Variants in CLUL1 observed in about 807,000 individuals in gnomAD.
The protein encoded by CLUL1 is clusterin-like protein 1.
A neutral mutation model predicts 49.4 loss-of-function variants in CLUL1; 43 were observed. That is an observed-to-expected ratio of 0.87 (90% CI 0.68 to 1.12). The LOEUF is 1.12. Among genes scored for constraint, CLUL1 ranks in the 50% most tolerant of loss-of-function variants. CLUL1 has a pLI of 0.00. For missense variants in CLUL1, 486 were observed against 544.4 expected, an observed-to-expected ratio of 0.89 and a Z score of 1.07; for synonymous variants, 192 against 184.9, an observed-to-expected ratio of 1.04 and a Z score of -0.31.
intron 5 of CLUL1, 44 bp downstream of exon 5, chr18:625,076 C>G: frequency 6.4e-7 from 1 of 1,566,202 alleles, no homozygotes. Context: ...TCTTGAGGCA[C>G]CTATTTCAGC....
At chr18:634,673 G>A (rs189645964) in intron 7 of CLUL1, among the ~76,000 whole-genome samples, 71 of 152,012 alleles carry the variant, frequency 4.7e-4, no homozygotes, top group Non-Finnish European at 1.6e-4. Flanking sequence ...ATATTTTTTT[G>A]AAAGTGGCAT....
intron 4 of CLUL1, among the ~76,000 whole-genome samples, chr18:623,016 C>T (rs1240331280): frequency 6.9e-6 from 1 of 145,492 alleles, no homozygotes; most frequent in Non-Finnish European, 1.5e-5. Flanking sequence ...GGTATTGTTA[C>T]TTGCCTTGGA....
chr18:626,860 CAAAT>C (rs1207868472), intron 5 of CLUL1, among the ~76,000 whole-genome samples: 7 of 100,816 alleles, frequency 6.9e-5, no homozygotes, highest in African/African-American at 2.5e-4. Context: ...GACTCCATCT[CAAAT>C]AAGAAAGAAA....
chr18:631,304 T>G (rs1043528756), intron 6 of CLUL1, among the ~76,000 whole-genome samples: 1 of 152,216 alleles, frequency 6.6e-6, no homozygotes, highest in Non-Finnish European at 1.5e-5. Context: ...CTTGGAATTA[T>G]CTTCATTTGC....
chr18:630,071 G>A (rs753363364), intron 6 of CLUL1, among the ~76,000 whole-genome samples: 2 of 152,172 alleles, frequency 1.3e-5, no homozygotes, highest in African/African-American at 2.4e-5. Context: ...AAGTAAGGAT[G>A]CAGATGGAAA....
At position 619,367 on chromosome 18, in the gene CLUL1, G is replaced by A; in HGVS notation, c.255+6G>A. On this transcript the variant is annotated splice_donor_region_variant and intron_variant, in intron 4 of 9. Transcript: ENST00000692774. ...AATGCAGAGAAGAAAAGCAGGTACA[G>A]TCATTGAAAATAATGTCTGTTCTTA... The A allele has an allele frequency of 6.2e-7, 1 of 1,608,944 alleles. No homozygotes were observed. Among genetic ancestry groups the A allele is most frequent in the Non-Finnish European group, 8.5e-7 (1 of 1,178,206 alleles).
Position 641,322 on chromosome 18 carries a change from G to T in CLUL1, c.995-5G>T, listed in dbSNP as rs758596736. 1 of 1,613,992 alleles carries T rather than the reference G, an allele frequency of 6.2e-7. No homozygotes were observed. The highest frequency in any genetic ancestry group is 8.5e-7 in the Non-Finnish European group (1 of 1,179,890). On this transcript the variant is annotated splice_region_variant and splice_polypyrimidine_tract_variant and intron_variant, in intron 7 of 9. Coordinates refer to ENST00000692774, the MANE Select transcript of CLUL1 (RefSeq NM_001393344.1). ...CCTTCTCCACATTACTTTCTTCTCT[G>T]CTAGACTGTCCTGATGTACCTGCTC...
chr18:637,142 A>G (rs887202561), intron 7 of CLUL1, among the ~76,000 whole-genome samples: 1 of 151,876 alleles, frequency 6.6e-6, no homozygotes, highest in Non-Finnish European at 1.5e-5. Context: ...GCCCGCCACC[A>G]TGCCCGGCTA....
At chr18:628,868 A>G (rs561584323) in intron 6 of CLUL1, among the ~76,000 whole-genome samples, 2 of 151,876 alleles carry the variant, frequency 1.3e-5, no homozygotes, top group Admixed American at 6.6e-5. Context: ...CCTGACCTCA[A>G]GTGATCTGCT....
intron 2 of CLUL1, among the ~76,000 whole-genome samples, 186 bp downstream of exon 2, chr18:607,285 C>T (rs560374352): frequency 5.3e-5 from 8 of 152,088 alleles, no homozygotes; most frequent in Admixed American, 2.0e-4. Flanking sequence ...GCACCACCTA[C>T]GTCCGGCTAA....
In CLUL1 at chr18:625,013, G is replaced by C. The variant is rs2073638074; in HGVS notation, c.404G>C (p.Trp135Ser). 1 of 1,613,960 alleles carries C rather than the reference G, an allele frequency of 6.2e-7. No individual in the cohort carries two copies. The change falls in exon 5 of 10, where the codon TGG (tryptophan) becomes TCG (serine). Residue 135 changes from tryptophan to serine, a missense_variant. By Grantham distance (177) the Trp-to-Ser change is radical. Transcript: ENST00000692774. ...MRIYTTCQPS[W>S]SSVKNKIERF... ...ATTTATACAACCTGCCAACCTAGCT[G>C]GTCCTCTGTGAAAAATAAGGTAAGA...
intron 6 of CLUL1, among the ~76,000 whole-genome samples, chr18:632,242 C>T (rs1233957318): frequency 6.6e-6 from 1 of 152,068 alleles, no homozygotes; most frequent in Non-Finnish European, 1.5e-5. Flanking sequence ...ACTTGATTGG[C>T]TTTAGATATT....
intron 2 of CLUL1, among the ~76,000 whole-genome samples, chr18:617,228 G>C (rs1460709734): frequency 6.6e-6 from 1 of 152,170 alleles, no homozygotes; most frequent in Non-Finnish European, 1.5e-5. Flanking sequence ...AGAAAAATGT[G>C]TGTGGTTGGT....
At position 627,185 on chromosome 18, in the gene CLUL1, T is replaced by A; in HGVS notation, c.512T>A (p.Ile171Asn). 1.9e-6 allele frequency: 3 copies of A among 1,612,896 alleles called. No individual in the cohort carries two copies. Among genetic ancestry groups the A allele is most frequent in the Non-Finnish European group, 1.7e-6 (2 of 1,179,046 alleles). Reference protein sequence around the residue: ...EKDLPISEKLIEEDAQLTQME... With the variant: ...EKDLPISEKLNEEDAQLTQME... ...GATCTCCCCATCAGTGAAAAGCTCA[T>A]TGAGGAAGATGCACAATTGACCCAA... is the stretch of plus-strand genomic sequence containing the variant. Residue 171 changes from isoleucine (I) to asparagine (N), a missense_variant, in exon 6 of 10, where the codon ATT becomes AAT. Physicochemically the swap from Ile to Asn is moderately radical, Grantham distance 149. Transcript: ENST00000692774.
chr18:619,912 G>A (rs2073437743), intron 4 of CLUL1, among the ~76,000 whole-genome samples: 1 of 151,946 alleles, frequency 6.6e-6, no homozygotes, highest in South Asian at 2.1e-4. Flanking sequence ...GTTTCACCAT[G>A]CTGGCCAGGC....
At chr18:622,026 G>T (rs2073502927) in intron 4 of CLUL1, among the ~76,000 whole-genome samples, 1 of 151,840 alleles carries the variant, frequency 6.6e-6, no homozygotes, top group Non-Finnish European at 1.5e-5. Context: ...CAATTAGAAA[G>T]TTAATCGGAA....
intron 6 of CLUL1, among the ~76,000 whole-genome samples, chr18:632,930 G>C (rs1228200813): frequency 6.6e-6 from 1 of 152,120 alleles, no homozygotes; most frequent in Non-Finnish European, 1.5e-5. Context: ...CGAGGCGGGT[G>C]GATCATTTGA....
intron 6 of CLUL1, 63 bp downstream of exon 6, chr18:627,592 C>A: frequency 8.5e-7 from 1 of 1,170,368 alleles, no homozygotes; most frequent in Non-Finnish European, 1.2e-6. Flanking sequence ...TGTTTAGCTT[C>A]AGAAATGGTA....
Position 618,295 on chromosome 18 carries a change from C to G in CLUL1, c.106+189C>G, listed in dbSNP as rs1475382559. On this transcript the variant is annotated intron_variant, in intron 3 of 9. Transcript: ENST00000692774. The surrounding 1 kb of genome is among the most constrained non-coding windows in gnomAD (Gnocchi z 4.2). ...AAAATAGAAAATTCCAATCACGTCT[C>G]TGCAGGCGTTCACCTTTCCAGATGT... Among the ~76,000 whole-genome samples, 1 of 152,210 alleles carries G rather than the reference C, an allele frequency of 6.6e-6. No individual in the cohort carries two copies.
Sources: gnomAD v4.1 joint callset for allele counts (sites outside exome capture counted in the v4.1 genomes callset) on GRCh38, gnomAD v4.1.1 for gene constraint, Gnocchi (gnomAD v3.1) non-coding constraint, MANE v1.5 for transcripts, NCBI Gene and HGNC (gene_info 2026-07-23, HGNC 2026-07-21) for gene names.